Variants in PRUNE2 observed in about 807,000 individuals in gnomAD.
PRUNE2 encodes protein prune homolog 2.
A neutral mutation model predicts 252.0 loss-of-function variants in PRUNE2; 164 were observed. That is an observed-to-expected ratio of 0.65 (90% CI 0.57 to 0.74). PRUNE2 has a LOEUF of 0.74. Ranked by LOEUF, PRUNE2 falls within the 30% of genes least tolerant of loss-of-function variation. PRUNE2 has a pLI of 0.00. For missense variants in PRUNE2, 3,495 were observed against 3,711.0 expected (o/e 0.94, Z 1.51); for synonymous variants, 1,292 against 1,350.2 (o/e 0.96, Z 0.94).
chr9:76,799,893 C>T (rs1022162084), intron 6 of PRUNE2, among the ~76,000 whole-genome samples: 3 of 152,112 alleles, frequency 2.0e-5, no homozygotes, highest in African/African-American at 7.2e-5. Context: ...GAGGCTTAGA[C>T]CACCTACCCA....
chr9:76,802,706 T>C (rs945003364), intron 6 of PRUNE2, among the ~76,000 whole-genome samples: 1 of 152,140 alleles, frequency 6.6e-6, no homozygotes, highest in Non-Finnish European at 1.5e-5. Flanking sequence ...AACTTACAAA[T>C]TAATCTCAAT....
intron 9 of PRUNE2, among the ~76,000 whole-genome samples, chr9:76,665,227 GC>G (rs1366966563): frequency 6.6e-6 from 1 of 152,136 alleles, no homozygotes; most frequent in Non-Finnish European, 1.5e-5. Context: ...TGGCCCCTAA[GC>G]CCAGACTCAA....
intron 6 of PRUNE2, chr9:76,787,717 T>C (rs1248453250): frequency 2.6e-5 from 4 of 152,294 alleles, no homozygotes; most frequent in African/African-American, 9.7e-5. Flanking sequence ...GCTCCAGTCC[T>C]GCAGCAGCTT....
intron 6 of PRUNE2, among the ~76,000 whole-genome samples, chr9:76,813,973 C>G (rs1211548121): frequency 6.6e-6 from 1 of 152,196 alleles, no homozygotes; most frequent in African/African-American, 2.4e-5. Context: ...CCCACCACCA[C>G]ACCTGGCTAA....
chr9:76,897,938 G>A (rs2062939642), intron 1 of PRUNE2, among the ~76,000 whole-genome samples: 1 of 152,144 alleles, frequency 6.6e-6, no homozygotes, highest in Admixed American at 6.5e-5. Context: ...TTTGCTAGTG[G>A]CCTTTTCATG....
chr9:76,708,853 A>G lies in PRUNE2; in HGVS notation c.3421T>C (p.Cys1141Arg). Residue 1141 changes from cysteine to arginine, a missense_variant, in exon 8 of 19, where the codon TGC becomes CGC. By Grantham distance (180) the Cys-to-Arg change is radical. Coordinates refer to ENST00000376718, the MANE Select transcript of PRUNE2 (RefSeq NM_015225.3). ...DMDNDLDWDD[C>R]SGGAAIPSDG... ...CTGGGGATTGCCGCACCCCCACTGC[A>G]GTCATCCCAGTCCAAATCATTGTCC... 6.2e-7 allele frequency: 1 copy of G among 1,613,942 alleles called. No homozygotes were observed. Among genetic ancestry groups the G allele is most frequent in the South Asian group, 1.1e-5 (1 of 91,076 alleles).
intron 16 of PRUNE2, among the ~76,000 whole-genome samples, chr9:76,628,085 T>C (rs1166612534): frequency 1.3e-5 from 2 of 152,172 alleles, no homozygotes; most frequent in Non-Finnish European, 2.9e-5. Flanking sequence ...TTTGAGCTAA[T>C]GGTTAAGTCC....
chr9:76,774,468 T>TATTTATTTATTTATTTA (rs1564272983), intron 6 of PRUNE2, among the ~76,000 whole-genome samples: 4 of 144,624 alleles, frequency 2.8e-5, no homozygotes, highest in African/African-American at 1.0e-4. Flanking sequence ...TTTTTTTTTT[T>TATTTATTTATTTATTTA]TTTTTTTTTG....
At chr9:76,819,493 T>A (rs747564637) in intron 6 of PRUNE2, 2 of 152,180 alleles carry the variant, frequency 1.3e-5, no homozygotes, top group Admixed American at 1.3e-4. Flanking sequence ...AAGGAACTTA[T>A]CCTACCAACG....
At chr9:76,871,617 G>T (rs1365122001) in intron 1 of PRUNE2, among the ~76,000 whole-genome samples, 2 of 152,050 alleles carry the variant, frequency 1.3e-5, no homozygotes, top group Non-Finnish European at 2.9e-5. Context: ...TTATCTTGGG[G>T]CAAATATAAA....
chr9:76,775,204 C>T (rs1305103981), intron 6 of PRUNE2, among the ~76,000 whole-genome samples: 1 of 152,164 alleles, frequency 6.6e-6, no homozygotes, highest in African/African-American at 2.4e-5. Context: ...AAACAAGAGT[C>T]TTAGAATTTG....
chr9:76,774,427 C>T (rs575105338), intron 6 of PRUNE2, among the ~76,000 whole-genome samples: 2 of 135,786 alleles, frequency 1.5e-5, no homozygotes, highest in Non-Finnish European at 1.5e-5. Context: ...CATGAGCCAT[C>T]GTTCCTGGCC....
intron 1 of PRUNE2, among the ~76,000 whole-genome samples, chr9:76,880,643 T>A (rs2061719647): frequency 6.6e-6 from 1 of 152,212 alleles, no homozygotes; most frequent in South Asian, 2.1e-4. Context: ...CACATATTTT[T>A]TAATACTCTG....
intron 6 of PRUNE2, among the ~76,000 whole-genome samples, chr9:76,816,104 G>C: frequency 6.7e-6 from 1 of 150,304 alleles, no homozygotes; most frequent in Non-Finnish European, 1.5e-5. Context: ...AGAGGTTGCA[G>C]TGAGCCGAGA....
intron 6 of PRUNE2, among the ~76,000 whole-genome samples, chr9:76,817,488 A>G (rs760162193): frequency 7.2e-5 from 11 of 152,166 alleles, no homozygotes; most frequent in Non-Finnish European, 1.3e-4. Flanking sequence ...GACTGAGCCA[A>G]TGAAATATGA....
chr9:76,774,453 T>TTTTTATTTATTTTTTTATTTA (rs1554761597), intron 6 of PRUNE2, among the ~76,000 whole-genome samples: 2 of 122,224 alleles, frequency 1.6e-5, no homozygotes, highest in Non-Finnish European at 3.6e-5. Flanking sequence ...TTCAACCCTT[T>TTTTTATTTATTTTTTTATTTA]TTTTTTTTTT....
At chr9:76,859,721 G>C (rs900898153) in intron 1 of PRUNE2, among the ~76,000 whole-genome samples, 66 of 141,748 alleles carry the variant, frequency 4.7e-4, no homozygotes, top group Admixed American at 7.0e-4. Flanking sequence ...TTGTTTGTTT[G>C]TTTTGAGACA....
At chr9:76,688,764 T>G (rs1355011642) in intron 9 of PRUNE2, among the ~76,000 whole-genome samples, 1 of 152,218 alleles carries the variant, frequency 6.6e-6, no homozygotes, top group Non-Finnish European at 1.5e-5. Context: ...AAACACTGAA[T>G]ACAGACTTCC....
intron 6 of PRUNE2, among the ~76,000 whole-genome samples, chr9:76,746,591 G>A (rs893596820): frequency 2.6e-5 from 4 of 151,612 alleles, no homozygotes; most frequent in Non-Finnish European, 4.4e-5. Context: ...TGTAGTCCCA[G>A]CTACTGGGGA....
Sources: allele counts gnomAD v4.1 joint callset (sites outside exome capture counted in the v4.1 genomes callset), GRCh38; gene constraint gnomAD v4.1.1; transcripts MANE v1.5; gene names NCBI Gene and HGNC (gene_info 2026-07-23, HGNC 2026-07-21).